Variants in MYO1D observed in about 807,000 individuals in gnomAD.
The protein encoded by MYO1D is unconventional myosin-Id.
Under a neutral mutation model 122.0 loss-of-function variants are expected in MYO1D, and 83 were observed. The ratio of observed to expected loss-of-function variants is 0.68; its 90% CI spans 0.57 to 0.82. The LOEUF (loss-of-function observed/expected upper bound fraction) is 0.82. Ranked by LOEUF, MYO1D falls within the 40% of genes least tolerant of loss-of-function variation. The probability of loss-of-function intolerance (pLI) is 0.00; values close to 1 mark genes in which losing one functional copy is unlikely to be tolerated. For missense variants in MYO1D, 1,157 were observed against 1,269.5 expected, an observed-to-expected ratio of 0.91 and a Z score of 1.35; for synonymous variants, 464 against 446.9, an observed-to-expected ratio of 1.04 and a Z score of -0.48.
intron 15 of MYO1D, among the ~76,000 whole-genome samples, chr17:32,720,002 C>T (rs570311409): frequency 1.0e-3 from 155 of 152,262 alleles, no homozygotes; most frequent in African/African-American, 3.6e-3. Flanking sequence ...CTGGCTGCTT[C>T]CTGTCATTGT....
intron 21 of MYO1D, among the ~76,000 whole-genome samples, chr17:32,550,586 C>T (rs552781789): frequency 5.3e-5 from 8 of 152,236 alleles, no homozygotes; most frequent in Non-Finnish European, 5.9e-5. Flanking sequence ...CAAACTGAGT[C>T]CCATGTCTTC....
intron 1 of MYO1D, among the ~76,000 whole-genome samples, chr17:32,812,977 CAT>C (rs1309604041): frequency 6.6e-6 from 1 of 152,196 alleles, no homozygotes; most frequent in Non-Finnish European, 1.5e-5. Flanking sequence ...AACTTATACA[CAT>C]GGAGTCATCC....
At chr17:32,602,451 G>C (rs567973569) in intron 21 of MYO1D, 10 of 152,286 alleles carry the variant, frequency 6.6e-5, no homozygotes, top group African/African-American at 1.7e-4. Flanking sequence ...TTTGGGTCTT[G>C]CTTTTAAGAT....
At chr17:32,849,917 G>A (rs750454699) in intron 1 of MYO1D, among the ~76,000 whole-genome samples, 78 of 152,164 alleles carry the variant, frequency 5.1e-4, no homozygotes, top group Non-Finnish European at 1.0e-3. Context: ...AACACGGAAG[G>A]AAATACACTT....
intron 16 of MYO1D, among the ~76,000 whole-genome samples, chr17:32,679,184 G>A (rs1399718067): frequency 1.3e-4 from 19 of 151,520 alleles, no homozygotes; most frequent in South Asian, 2.1e-4. Context: ...AGTAGGTTGC[G>A]AAAATTTTCT....
intron 16 of MYO1D, among the ~76,000 whole-genome samples, chr17:32,681,085 A>G (rs1384737202): frequency 6.6e-6 from 1 of 151,844 alleles, no homozygotes; most frequent in African/African-American, 2.4e-5. Context: ...TTTCTGTGGG[A>G]TTGGTGGTGA....
intron 16 of MYO1D, among the ~76,000 whole-genome samples, chr17:32,702,638 T>C (rs1230594515): frequency 1.3e-5 from 2 of 152,204 alleles, no homozygotes; most frequent in Non-Finnish European, 2.9e-5. Flanking sequence ...AATAATCAAA[T>C]TACTATCATC....
chr17:32,705,563 G>A (rs1427116531), intron 16 of MYO1D, among the ~76,000 whole-genome samples: 1 of 152,156 alleles, frequency 6.6e-6, no homozygotes, highest in Non-Finnish European at 1.5e-5. Context: ...ACACGTGGCC[G>A]ATTATCTGTA....
intron 1 of MYO1D, among the ~76,000 whole-genome samples, chr17:32,832,519 C>A (rs557083987): frequency 7.2e-5 from 11 of 152,166 alleles, no homozygotes; most frequent in African/African-American, 2.6e-4. Context: ...AGGATGGTCT[C>A]GATCTCCTGA....
intron 1 of MYO1D, among the ~76,000 whole-genome samples, chr17:32,848,419 GAA>G (rs1253128908): frequency 2.6e-5 from 4 of 152,218 alleles, no homozygotes; most frequent in Non-Finnish European, 5.9e-5. Context: ...GAATCTGGGT[GAA>G]AAGTACATGG....
At chr17:32,613,809 A>AAAG (rs1447104519) in intron 20 of MYO1D, among the ~76,000 whole-genome samples, 1 of 135,462 alleles carries the variant, frequency 7.4e-6, no homozygotes, top group Non-Finnish European at 1.6e-5. Flanking sequence ...AAAAAAAAAA[A>AAAG]AAAAAGAAAT....
At chr17:32,792,356 G>A (rs912803406) in intron 1 of MYO1D, 1 of 152,106 alleles carries the variant, frequency 6.6e-6, no homozygotes. Context: ...CAACGATACT[G>A]GCCTATTTAG....
rs559379644 is a variant in MYO1D at position 32,575,028 on chromosome 17, G to A, written c.2864+30059C>T. The stretch of plus-strand genomic sequence containing the variant: ...TTTATGTAAAGTTACTGACATAATC[G>A]TGGGAGCTGATGGGAAGTATCGGAA... On this transcript the variant is annotated intron_variant, in intron 21 of 21. Transcript: ENST00000318217. Among the ~76,000 whole-genome samples, 10 of 152,254 alleles carry A rather than the reference G, an allele frequency of 6.6e-5. No homozygotes were observed. In the South Asian group the frequency reaches 1.7e-3, roughly 25 times the overall value.
At chr17:32,699,035 T>C (rs1185434445) in intron 16 of MYO1D, among the ~76,000 whole-genome samples, 1 of 152,160 alleles carries the variant, frequency 6.6e-6, no homozygotes, top group African/African-American at 2.4e-5. Flanking sequence ...TGGTACCATC[T>C]TGGCTCACTG....
intron 21 of MYO1D, among the ~76,000 whole-genome samples, chr17:32,515,805 A>T (rs1235442532): frequency 6.6e-6 from 1 of 152,218 alleles, no homozygotes. Context: ...CAGCTATCTC[A>T]TAAACCAAGC....
intron 16 of MYO1D, among the ~76,000 whole-genome samples, chr17:32,697,439 A>T: frequency 6.6e-6 from 1 of 152,130 alleles, no homozygotes; most frequent in East Asian, 1.9e-4. Flanking sequence ...TTGACCATAA[A>T]TATTCCCCAT....
chr17:32,730,296 C>T (rs1012919457), intron 14 of MYO1D, among the ~76,000 whole-genome samples: 5 of 152,044 alleles, frequency 3.3e-5, no homozygotes, highest in African/African-American at 9.7e-5. Context: ...ACTGGAATTA[C>T]AATTACCTGC....
At chr17:32,728,126 AAAG>A (rs1462755628) in intron 14 of MYO1D, among the ~76,000 whole-genome samples, 1 of 152,232 alleles carries the variant, frequency 6.6e-6, no homozygotes, top group Admixed American at 6.5e-5. Context: ...TTTACAAAAC[AAAG>A]AAGTCAGGAA....
chr17:32,621,124 T>C (rs2087850699), intron 20 of MYO1D, among the ~76,000 whole-genome samples: 1 of 152,184 alleles, frequency 6.6e-6, no homozygotes, highest in Non-Finnish European at 1.5e-5. Flanking sequence ...CTGTGCTGTG[T>C]GCCTGCGTTT....
Sources: gnomAD v4.1 joint callset for allele counts (sites outside exome capture counted in the v4.1 genomes callset) on GRCh38, gnomAD v4.1.1 for gene constraint, MANE v1.5 for transcripts, NCBI Gene and HGNC (gene_info 2026-07-23, HGNC 2026-07-21) for gene names.